EHD3: variants seen among roughly 807,000 people sequenced by gnomAD.
The protein encoded by EHD3 is EH domain-containing protein 3.
A neutral mutation model predicts 43.0 loss-of-function variants in EHD3; 17 were observed. The ratio of observed to expected loss-of-function variants is 0.40; its 90% CI spans 0.27 to 0.59. The LOEUF is 0.59. Ranked by LOEUF, EHD3 falls within the 20% of genes least tolerant of loss-of-function variation. The pLI, the probability that EHD3 is intolerant of heterozygous loss-of-function variation, is 0.49. For missense variants in EHD3, 594 were observed against 705.6 expected (o/e 0.84, Z 1.79); for synonymous variants, 313 against 289.5 (o/e 1.08, Z -0.82).
At chr2:31,236,744 C>A (rs1194591551) in intron 1 of EHD3, among the ~76,000 whole-genome samples, 1 of 152,236 alleles carries the variant, frequency 6.6e-6, no homozygotes, top group Non-Finnish European at 1.5e-5. Context: ...CTTAGCATCT[C>A]TGGGGCCTTG....
In EHD3 at chr2:31,260,246, G is replaced by T. The variant is rs1050509046; in HGVS notation, c.503-264G>T. 3.9e-5 allele frequency among the ~76,000 whole-genome samples: 6 copies of T among 152,142 alleles called. No homozygotes were observed. The highest frequency in any genetic ancestry group is 1.4e-4 in the African/African-American group (6 of 41,430). On this transcript the variant is annotated intron_variant, in intron 3 of 5. Coordinates refer to ENST00000322054, the MANE Select transcript of EHD3 (RefSeq NM_014600.3). This position sits in a 1 kb window ranked among gnomAD's most constrained non-coding sequence, Gnocchi z 4.6. ...TTTACTGAGCACCTACTAAGTGCCG[G>T]ATTCTAAGAGTATTTAATCTTCATA...
At chr2:31,245,545 A>C (rs201885409) in intron 2 of EHD3, among the ~76,000 whole-genome samples, 1 of 59,924 alleles carries the variant, frequency 1.7e-5, no homozygotes, top group Admixed American at 2.3e-4. Flanking sequence ...ATATATATAT[A>C]TATATATATT....
At position 31,234,587 on chromosome 2, in the gene EHD3, C is replaced by T. The variant is rs1254577712; in HGVS notation, c.-35C>T. ...TCTTCCCCTGAGGAGGAGTCTTCCC[C>T]TGGGGCTGCGTGCCGGGGGCGAGCG... On this transcript the variant is annotated 5_prime_UTR_variant, in exon 1 of 6. Transcript: ENST00000322054. The T allele has an allele frequency of 3.7e-6, 6 of 1,610,418 alleles. No homozygotes were observed. In the East Asian group the frequency reaches 6.7e-5, roughly 18 times the overall value.
At position 31,234,593 on chromosome 2, in the gene EHD3, CT is replaced by C. The variant is rs574668044; in HGVS notation, c.-28del. On this transcript the variant is annotated 5_prime_UTR_variant, in exon 1 of 6. Coordinates refer to ENST00000322054, the MANE Select transcript of EHD3 (RefSeq NM_014600.3). Reference sequence around the variant, plus strand: ...CCTGAGGAGGAGTCTTCCCCTGGGGCTGCGTGCCGGGGGCGAGCGGCGGCCG... The same window carrying C: ...CCTGAGGAGGAGTCTTCCCCTGGGGCGCGTGCCGGGGGCGAGCGGCGGCCG... 129 of 1,611,144 alleles carry C rather than the reference CT, an allele frequency of 8.0e-5. 1 individual carries two copies. The South Asian group carries it at 1.4e-3, about 17-fold the overall frequency.
In EHD3 at chr2:31,266,328, G is replaced by T; in HGVS notation, c.1232G>T (p.Gly411Val). ...CAGCGGCCCATCCAGATGGTGAAGG[G>T]CGGAGCGTTCGAGGGCACCCTGCAC... is the stretch of plus-strand genomic sequence containing the variant. Reference protein sequence around the residue: ...ESQRPIQMVKGGAFEGTLHGP... With the variant: ...ESQRPIQMVKVGAFEGTLHGP... Residue 411 changes from glycine (G) to valine (V), a missense_variant, in exon 6 of 6, where the codon GGC becomes GTC. Gly to Val is a moderately radical substitution (Grantham distance 109). Coordinates refer to ENST00000322054, the MANE Select transcript of EHD3 (RefSeq NM_014600.3). This position sits in a 1 kb window ranked among gnomAD's most constrained non-coding sequence, Gnocchi z 5.1. 6.2e-7 allele frequency: 1 copy of T among 1,614,214 alleles called. No homozygotes were observed. The highest frequency in any genetic ancestry group is 8.5e-7 in the Non-Finnish European group (1 of 1,180,034).
intron 3 of EHD3, among the ~76,000 whole-genome samples, chr2:31,254,788 C>T (rs1683719573): frequency 6.6e-6 from 1 of 152,174 alleles, no homozygotes; most frequent in Non-Finnish European, 1.5e-5. Context: ...AGTTTGCCAC[C>T]ACCTGGCTGT....
rs1037315084 is a variant in EHD3 at position 31,266,791 on chromosome 2, C to A, written c.*87C>A. On this transcript the variant is annotated 3_prime_UTR_variant, in exon 6 of 6. Coordinates refer to ENST00000322054, the MANE Select transcript of EHD3 (RefSeq NM_014600.3). The surrounding 1 kb of genome is among the most constrained non-coding windows in gnomAD (Gnocchi z 5.1). ...ACACACACACACACACACACACACA[C>A]ACAAACATGCACACACACATATGCA... 21 of 1,304,644 alleles carry A rather than the reference C, an allele frequency of 1.6e-5. No homozygotes were observed. Among genetic ancestry groups the A allele is most frequent in the African/African-American group, 9.2e-5 (6 of 65,312 alleles). The allele number at this position is 1,304,644 out of a possible 1,614,324, so 80.8% of individuals were successfully genotyped here. A position where few individuals can be genotyped will look rare whatever the true frequency, so the allele number is the denominator to read the frequency against.
At position 31,241,782 on chromosome 2, in the gene EHD3, T is replaced by G. The variant is rs776526032; in HGVS notation, c.228-2492T>G. On this transcript the variant is annotated intron_variant, in intron 1 of 5. Transcript: ENST00000322054. ...GTTGGCTGGCCCCAGGCCACTGAGA[T>G]TCACAGCTTCTCCCAGGAGGCCCTG... is the stretch of plus-strand genomic sequence containing the variant. 5.3e-5 allele frequency among the ~76,000 whole-genome samples: 8 copies of G among 152,272 alleles called. No homozygotes were observed. The South Asian group carries it at 6.2e-4, about 12-fold the overall frequency.
rs1188635634 is a variant in EHD3, at chr2:31,234,592, G to T, written c.-30G>T. On this transcript the variant is annotated 5_prime_UTR_variant, in exon 1 of 6. Coordinates refer to ENST00000322054, the MANE Select transcript of EHD3 (RefSeq NM_014600.3). ...CCCTGAGGAGGAGTCTTCCCCTGGGGCTGCGTGCCGGGGGCGAGCGGCGGC... is the reference window on the plus strand; with the variant it reads ...CCCTGAGGAGGAGTCTTCCCCTGGGTCTGCGTGCCGGGGGCGAGCGGCGGC... The T allele has an allele frequency of 2.5e-6, 4 of 1,611,024 alleles. No individual in the cohort carries two copies. The highest frequency in any genetic ancestry group is 3.4e-6 in the Non-Finnish European group (4 of 1,178,788).
In EHD3 at chr2:31,262,731, A is replaced by G. The variant is rs573556005; in HGVS notation, c.1080+1018A>G. 3.3e-4 allele frequency among the ~76,000 whole-genome samples: 51 copies of G among 152,350 alleles called. No homozygotes were observed. In the East Asian group the frequency reaches 8.1e-3, roughly 24 times the overall value. ...CCAGGAGTTCGAGACCAGCCTGGCC[A>G]ACATGGCAAAACTTGTAATAAAACT... On this transcript the variant is annotated intron_variant, in intron 5 of 5. Coordinates refer to ENST00000322054, the MANE Select transcript of EHD3 (RefSeq NM_014600.3).
At position 31,234,844 on chromosome 2, in the gene EHD3, A is replaced by C; in HGVS notation, c.223A>C (p.Ile75Leu). The C allele has an allele frequency of 6.2e-7, 1 of 1,614,076 alleles. No homozygotes were observed. The highest frequency in any genetic ancestry group is 1.3e-5 in the African/African-American group (1 of 75,038). The change falls in exon 1 of 6, where the codon ATC (isoleucine) becomes CTC (leucine). Residue 75 changes from isoleucine (I) to leucine (L), a missense_variant. Physicochemically the swap from Ile to Leu is conservative, Grantham distance 5. Coordinates refer to ENST00000322054, the MANE Select transcript of EHD3 (RefSeq NM_014600.3). The stretch of plus-strand genomic sequence containing the variant: ...GTACTCCACTGGGAAGACCACCTTC[A>C]TCAGGTGAGCCGGCCCAGGGTCCTG... ...GQYSTGKTTF[I>L]RYLLEQDFPG...
intron 5 of EHD3, among the ~76,000 whole-genome samples, chr2:31,264,270 A>C (rs536146159): frequency 2.6e-5 from 4 of 152,200 alleles, no homozygotes; most frequent in Non-Finnish European, 5.9e-5. Context: ...GTATCTAAAC[A>C]TAGAAATGGT....
rs1026049242 is a variant in EHD3 at position 31,234,957 on chromosome 2, T to A, written c.227+109T>A. The A allele has an allele frequency of 5.3e-5, 54 of 1,018,466 alleles. 2 individuals carry two copies. The highest frequency in any genetic ancestry group is 3.6e-4 in the South Asian group (24 of 66,808). The allele number at this position is 1,018,466 out of a possible 1,614,324, so 63.1% of individuals were successfully genotyped here. On this transcript the variant is annotated intron_variant, in intron 1 of 5. Transcript: ENST00000322054. ...AGGGGACCAATGGGAAGCCTTCAGT[T>A]GAGGGCTCTGAAGAGATCTGTGTTT...
chr2:31,243,016 C>T (rs1440473606), intron 1 of EHD3, among the ~76,000 whole-genome samples: 1 of 152,040 alleles, frequency 6.6e-6, no homozygotes, highest in Admixed American at 6.6e-5. Flanking sequence ...ATGCCTCACA[C>T]CTGTAATCCC....
intron 1 of EHD3, among the ~76,000 whole-genome samples, chr2:31,239,989 C>G (rs897878511): frequency 1.3e-5 from 2 of 152,170 alleles, no homozygotes; most frequent in African/African-American, 4.8e-5. Context: ...TGGCCTGTCG[C>G]AAGGAGGCTG....
At chr2:31,248,722 A>G (rs1683576419) in intron 2 of EHD3, among the ~76,000 whole-genome samples, 1 of 152,150 alleles carries the variant, frequency 6.6e-6, no homozygotes, top group African/African-American at 2.4e-5. Context: ...CCAGCCTGTT[A>G]TCTTGCACAG....
chr2:31,259,103 G>A (rs758716285), intron 3 of EHD3, among the ~76,000 whole-genome samples: 5 of 152,166 alleles, frequency 3.3e-5, no homozygotes, highest in Admixed American at 6.5e-5. Flanking sequence ...TCCCCAGTGT[G>A]TGTCACCTTG....
rs755619146 is a variant in EHD3, at chr2:31,261,742, G to C, written c.1080+29G>C. ...GCGAGGGCTGGGGTCTCTAAGACAA[G>C]GGACAGTGTCCCGAGAGCTGGCTGA... On this transcript the variant is annotated intron_variant, in intron 5 of 5. Transcript: ENST00000322054. The C allele has an allele frequency of 6.2e-6, 10 of 1,610,446 alleles. No individual in the cohort carries two copies. In the African/African-American group the frequency reaches 1.2e-4, roughly 19 times the overall value.
chr2:31,247,191 G>A lies in EHD3; in HGVS notation c.405-2180G>A, dbSNP rs112602139. Among the ~76,000 whole-genome samples the A allele has an allele frequency of 3.4e-3, 518 of 152,254 alleles. 1 individual carries two copies. The highest frequency in any genetic ancestry group is 0.012 in the African/African-American group (492 of 41,572). On this transcript the variant is annotated intron_variant, in intron 2 of 5. Transcript: ENST00000322054. Reference sequence around the variant, plus strand: ...GGTTTACAGGTGTGAGCCTGTAACCGGCCTACAGTGGTTCCATTTAGGAAG... The same window carrying A: ...GGTTTACAGGTGTGAGCCTGTAACCAGCCTACAGTGGTTCCATTTAGGAAG...
Sources: allele counts gnomAD v4.1 joint callset (sites outside exome capture counted in the v4.1 genomes callset), GRCh38; gene constraint gnomAD v4.1.1; non-coding constraint Gnocchi (gnomAD v3.1); transcripts MANE v1.5; gene names NCBI Gene and HGNC (gene_info 2026-07-23, HGNC 2026-07-21).